The following RILPL2 variants were observed in gnomAD, a reference collection of about 807,000 sequenced individuals.
RILPL2 encodes Rab interacting lysosomal protein like 2.
RILPL2 carries 19 observed loss-of-function variants against 22.2 expected under a neutral mutation model. That is an observed-to-expected ratio of 0.86 (90% confidence interval 0.60 to 1.25). The LOEUF is 1.25. Ranked by LOEUF, RILPL2 falls within the 50% of genes most tolerant of loss-of-function variation. The pLI is 0.00. For synonymous variants in RILPL2, 123 were observed against 111.6 expected (o/e 1.10, Z -0.64); for missense variants, 243 against 263.6 (o/e 0.92, Z 0.54).
chr12:123,420,183 C>T (rs539771391), intron 3 of RILPL2, among the ~76,000 whole-genome samples: 2 of 151,950 alleles, frequency 1.3e-5, no homozygotes, highest in African/African-American at 4.8e-5. Flanking sequence ...TGCCACCATG[C>T]CTGGCTAATT....
chr12:123,430,545 G>A lies in RILPL2; in HGVS notation c.454C>T (p.Leu152Phe), dbSNP rs1879612046. The change falls in exon 2 of 4, where the codon CTC becomes TTC. Residue 152 changes from leucine to phenylalanine, a missense_variant. Coordinates refer to ENST00000280571, the MANE Select transcript of RILPL2 (RefSeq NM_145058.3). ...TGCAGCTCTTCCTGCACCACCAGGA[G>A]CTGCGACTTGAGTTTGTTGCGTTCC... ...LQERNKLKSQ[L>F]LVVQEELQCY... The A allele has an allele frequency of 6.2e-7, 1 of 1,609,358 alleles. No individual in the cohort carries two copies. Among genetic ancestry groups the A allele is most frequent in the Non-Finnish European group, 8.5e-7 (1 of 1,177,230 alleles).
intron 2 of RILPL2, among the ~76,000 whole-genome samples, chr12:123,423,548 A>G (rs959066783): frequency 2.0e-5 from 3 of 151,774 alleles, no homozygotes; most frequent in African/African-American, 4.8e-5. Context: ...AAAGGGTCTT[A>G]ATGATGATGA....
intron 3 of RILPL2, 32 bp downstream of exon 3, chr12:123,423,012 G>T (rs2139239082): frequency 6.8e-7 from 1 of 1,472,766 alleles, no homozygotes; most frequent in Non-Finnish European, 9.5e-7. Flanking sequence ...TTATTATTTG[G>T]CGGGACCGGG....
Position 123,436,042 on chromosome 12 carries a change from G to T in RILPL2, c.339+40C>A, listed in dbSNP as rs1566094720. 1.3e-6 allele frequency: 2 copies of T among 1,542,144 alleles called. No individual in the cohort carries two copies. Among genetic ancestry groups the T allele is most frequent in the Non-Finnish European group, 1.8e-6 (2 of 1,140,678 alleles). ...GCCAGTAGGTGCCCTCCTACGCCCC[G>T]CAGGCGCCGTGGGCCCGGAACCCTC... On this transcript the variant is annotated intron_variant, in intron 1 of 3. Coordinates refer to ENST00000280571, the MANE Select transcript of RILPL2 (RefSeq NM_145058.3). The surrounding 1 kb of genome is among the most constrained non-coding windows in gnomAD (Gnocchi z 6.7).
At position 123,423,020 on chromosome 12, in the gene RILPL2, G is replaced by C. The variant is rs368034844; in HGVS notation, c.605+24C>G. On this transcript the variant is annotated intron_variant, in intron 3 of 3. Coordinates refer to ENST00000280571, the MANE Select transcript of RILPL2 (RefSeq NM_145058.3). Reference sequence around the variant, plus strand: ...CCTTGAGTTATTATTTGGCGGGACCGGGGGGCAGCAAGGTGACACTTACAG... The same window carrying C: ...CCTTGAGTTATTATTTGGCGGGACCCGGGGGCAGCAAGGTGACACTTACAG... 11 of 1,512,592 alleles carry C rather than the reference G, an allele frequency of 7.3e-6. No individual in the cohort carries two copies. In the South Asian group the frequency reaches 1.2e-4, roughly 17 times the overall value. The allele number at this position is 1,512,592 out of a possible 1,614,324, so 93.7% of individuals were successfully genotyped here.
chr12:123,413,677 G>T (rs1397290245), downstream of RILPL2: 1 of 152,238 alleles, frequency 6.6e-6, no homozygotes, highest in African/African-American at 2.4e-5. Context: ...TGCTGCCTGG[G>T]GCAGCCTGCT....
At position 123,430,399 on chromosome 12, in the gene RILPL2, A is replaced by G. The variant is rs949111845; in HGVS notation, c.491+109T>C. On this transcript the variant is annotated intron_variant, in intron 2 of 3. Coordinates refer to ENST00000280571, the MANE Select transcript of RILPL2 (RefSeq NM_145058.3). ...ACTCCAGCCTGGGCGACAGAGCGAG[A>G]CTCTGTCTCAAAAAAACAAAAACAA... 102 of 1,132,340 alleles carry G rather than the reference A, an allele frequency of 9.0e-5. 1 individual carries two copies. Among genetic ancestry groups the G allele is most frequent in the Non-Finnish European group, 1.2e-4 (99 of 831,584 alleles). The allele number at this position is 1,132,340 out of a possible 1,614,324, so 70.1% of individuals were successfully genotyped here.
intron 3 of RILPL2, among the ~76,000 whole-genome samples, chr12:123,419,080 G>A (rs1247685127): frequency 2.0e-5 from 3 of 149,320 alleles, no homozygotes; most frequent in Admixed American, 6.8e-5. Flanking sequence ...GCACGATCTC[G>A]GCTCACTGCA....
chr12:123,424,325 A>T (rs1018630491), intron 2 of RILPL2, among the ~76,000 whole-genome samples: 3 of 138,928 alleles, frequency 2.2e-5, no homozygotes, highest in Admixed American at 7.8e-5. Context: ...TGTTGATAAG[A>T]GTTAGATTTT....
At chr12:123,416,730 G>A (rs1879129470) in intron 3 of RILPL2, among the ~76,000 whole-genome samples, 1 of 152,198 alleles carries the variant, frequency 6.6e-6, no homozygotes, top group African/African-American at 2.4e-5. Context: ...CTGAAAGGGT[G>A]GCCTCACGCT....
At chr12:123,430,428 A>G in intron 2 of RILPL2, 80 bp downstream of exon 2, 1 of 1,414,980 alleles carries the variant, frequency 7.1e-7, no homozygotes, top group Non-Finnish European at 9.4e-7. Context: ...AAAACAAAAC[A>G]AAACAAAAAC....
At chr12:123,428,424 C>T (rs548635925) in intron 2 of RILPL2, among the ~76,000 whole-genome samples, 1 of 152,222 alleles carries the variant, frequency 6.6e-6, no homozygotes, top group Non-Finnish European at 1.5e-5. Flanking sequence ...GCGTGAGCCA[C>T]CGCGCCCGGC....
At chr12:123,430,793 G>A (rs944811452) in intron 1 of RILPL2, 134 bp from the exon 2 acceptor site, 12 of 593,174 alleles carry the variant, frequency 2.0e-5, no homozygotes, top group Admixed American at 1.1e-4. Flanking sequence ...CTGCAACTTC[G>A]GGCTCCCAGG....
chr12:123,430,128 A>G (rs1161775750), intron 2 of RILPL2, among the ~76,000 whole-genome samples: 1 of 148,132 alleles, frequency 6.8e-6, no homozygotes, highest in African/African-American at 2.5e-5. Context: ...AAAAAAAAAA[A>G]GCCAGGCTTG....
intron 2 of RILPL2, among the ~76,000 whole-genome samples, chr12:123,429,161 T>A (rs181506530): frequency 1.4e-4 from 21 of 152,240 alleles, no homozygotes; most frequent in East Asian, 9.6e-4. Flanking sequence ...TATTTTTTTT[T>A]AATTTCTTTT....
Position 123,415,729 on chromosome 12 carries a change from G to T in RILPL2, c.*162C>A. On this transcript the variant is annotated 3_prime_UTR_variant, in exon 4 of 4. Transcript: ENST00000280571. ...CTAGTTCTGCAGCCAGGGAGAAAGT[G>T]ATGCCAAGAGAACCTCGTCTCCTCC... 3 of 752,436 alleles carry T rather than the reference G, an allele frequency of 4.0e-6. No individual in the cohort carries two copies. Among genetic ancestry groups the T allele is most frequent in the Non-Finnish European group, 7.1e-6 (3 of 423,332 alleles). The allele number at this position is 752,436 out of a possible 1,614,324, so 46.6% of individuals were successfully genotyped here.
chr12:123,409,661 T>G, the RILPL2 span, among the ~76,000 whole-genome samples: 4 of 150,042 alleles, frequency 2.7e-5, no homozygotes, highest in Admixed American at 2.7e-4. Flanking sequence ...GCAATTCTCG[T>G]ACCTTGGCTA....
the RILPL2 span, among the ~76,000 whole-genome samples, chr12:123,409,972 C>T: frequency 1.6e-4 from 24 of 152,040 alleles, no homozygotes; most frequent in South Asian, 2.5e-3. Context: ...GTGATCTGCC[C>T]GCCTTGGCCT....
intron 3 of RILPL2, among the ~76,000 whole-genome samples, chr12:123,418,930 G>A (rs1186926157): frequency 1.3e-5 from 2 of 150,964 alleles, no homozygotes; most frequent in Non-Finnish European, 3.0e-5. Flanking sequence ...TGTTGGCCAG[G>A]ATGGTCTCAA....
Sources: gnomAD v4.1 joint callset for allele counts (sites outside exome capture counted in the v4.1 genomes callset) on GRCh38, gnomAD v4.1.1 for gene constraint, Gnocchi (gnomAD v3.1) non-coding constraint, MANE v1.5 for transcripts, NCBI Gene and HGNC (gene_info 2026-07-23, HGNC 2026-07-21) for gene names.